Variants in PIK3C3 observed in about 807,000 individuals in gnomAD.
PIK3C3 encodes the protein PI3-kinase type 3.
PIK3C3 carries 95 observed loss-of-function variants against 126.1 expected under a neutral mutation model. The ratio of observed to expected loss-of-function variants is 0.75; its 90% CI spans 0.64 to 0.89. The LOEUF is 0.89. PIK3C3 is among the 40% of genes least tolerant of loss of function. The pLI is 0.00. For missense variants in PIK3C3, 829 were observed against 1,063.2 expected, an observed-to-expected ratio of 0.78 and a Z score of 3.06; for synonymous variants, 374 against 360.0, an observed-to-expected ratio of 1.04 and a Z score of -0.44.
chr18:41,958,297 A>T (rs1005892751), intron 2 of PIK3C3, among the ~76,000 whole-genome samples: 2 of 152,114 alleles, frequency 1.3e-5, no homozygotes, highest in South Asian at 2.1e-4. Context: ...TTTTTTTCAG[A>T]AGAGTATTGT....
At chr18:42,040,243 G>T (rs1984250035) in intron 18 of PIK3C3, among the ~76,000 whole-genome samples, 1 of 146,096 alleles carries the variant, frequency 6.8e-6, no homozygotes, top group African/African-American at 2.6e-5. Flanking sequence ...TTAGACAAAA[G>T]GAGCCATTAC....
intron 14 of PIK3C3, among the ~76,000 whole-genome samples, chr18:42,027,822 T>G (rs1360605198): frequency 2.0e-5 from 3 of 151,960 alleles, no homozygotes; most frequent in Non-Finnish European, 2.9e-5. Context: ...GCCCAGCTAA[T>G]TTTTGTATTT....
chr18:41,968,079 C>T (rs918267555), intron 3 of PIK3C3, among the ~76,000 whole-genome samples: 3 of 152,204 alleles, frequency 2.0e-5, no homozygotes, highest in Non-Finnish European at 4.4e-5. Context: ...CACTTGGCAT[C>T]ACCCATACCC....
intron 10 of PIK3C3, among the ~76,000 whole-genome samples, chr18:42,009,010 C>A (rs1982678455): frequency 6.6e-6 from 1 of 152,020 alleles, no homozygotes; most frequent in African/African-American, 2.4e-5. Flanking sequence ...GAGCAGCACT[C>A]CGAATGAAGG....
chr18:42,046,396 G>A (rs1011195690), intron 20 of PIK3C3, among the ~76,000 whole-genome samples: 2 of 152,110 alleles, frequency 1.3e-5, no homozygotes, highest in Admixed American at 1.3e-4. Context: ...TGTATATCAT[G>A]CAGCTAAATG....
intron 4 of PIK3C3, chr18:41,984,754 C>T (rs896835841): frequency 3.2e-4 from 49 of 152,180 alleles, no homozygotes; most frequent in Admixed American, 2.6e-4. Context: ...TTTGCTTGGA[C>T]TCTCTGATAA....
rs1986381605 is a variant in PIK3C3, at chr18:42,085,557, T to G, written c.*4420T>G. 1 of 151,996 alleles carries G rather than the reference T, an allele frequency of 6.6e-6. No homozygotes were observed. Among genetic ancestry groups the G allele is most frequent in the Non-Finnish European group, 1.5e-5 (1 of 68,002 alleles). 9.4% of individuals were successfully genotyped at this position (151,996 alleles called of 1,614,324 possible). ...TCAAAATAGAACATAAGAAAATGAGTCTAGTGGACCCACTGCATAGTGTAA... is the reference window on the plus strand; with the variant it reads ...TCAAAATAGAACATAAGAAAATGAGGCTAGTGGACCCACTGCATAGTGTAA... On this transcript the variant is annotated 3_prime_UTR_variant, in exon 25 of 25. Transcript: ENST00000262039.
intron 10 of PIK3C3, among the ~76,000 whole-genome samples, chr18:42,012,350 A>T (rs1035522384): frequency 6.6e-6 from 1 of 152,168 alleles, no homozygotes; most frequent in Admixed American, 6.5e-5. Context: ...GTTGTTACAA[A>T]TAGGAAAGTG....
intron 21 of PIK3C3, among the ~76,000 whole-genome samples, chr18:42,052,193 A>G (rs943321655): frequency 6.6e-6 from 1 of 151,976 alleles, no homozygotes; most frequent in African/African-American, 2.4e-5. Flanking sequence ...TGATGGGGGT[A>G]TTTAAGAGTG....
intron 12 of PIK3C3, among the ~76,000 whole-genome samples, chr18:42,015,848 T>G (rs1264003273): frequency 6.6e-6 from 1 of 152,184 alleles, no homozygotes; most frequent in African/African-American, 2.4e-5. Flanking sequence ...CCTAGAATAT[T>G]TACTGTCAAT....
In PIK3C3 at chr18:42,086,825, AGCAGCTCATGCTGCT is replaced by A. The variant is rs1304923652; in HGVS notation, c.*5690_*5704del. 3.9e-5 allele frequency: 6 copies of A among 152,190 alleles called. No homozygotes were observed. The highest frequency in any genetic ancestry group is 6.5e-5 in the Admixed American group (1 of 15,294). The allele number at this position is 152,190 out of a possible 1,614,324, so 9.4% of individuals were successfully genotyped here. On this transcript the variant is annotated 3_prime_UTR_variant, in exon 25 of 25. Transcript: ENST00000262039. ...AATAATCATTAAAAAATAGCCAACC[AGCAGCTCATGCTGCT>A]GGTCTGCCTATGGAGTAGCCATCCT... is the stretch of plus-strand genomic sequence containing the variant.
At chr18:42,020,067 ACAAC>A (rs1983253309) in intron 12 of PIK3C3, among the ~76,000 whole-genome samples, 1 of 152,076 alleles carries the variant, frequency 6.6e-6, no homozygotes, top group Non-Finnish European at 1.5e-5. Context: ...ACTTCACAGG[ACAAC>A]CAGTCATTTT....
At chr18:41,969,101 G>T (rs886475873) in intron 3 of PIK3C3, among the ~76,000 whole-genome samples, 3 of 151,472 alleles carry the variant, frequency 2.0e-5, no homozygotes, top group Admixed American at 6.6e-5. Flanking sequence ...TTACAGGTGT[G>T]AGCCACCATG....
chr18:41,990,593 G>A, intron 6 of PIK3C3, 39 bp downstream of exon 6: 1 of 1,060,506 alleles, frequency 9.4e-7, no homozygotes, highest in South Asian at 1.3e-5. Flanking sequence ...CTAAAGTAGA[G>A]GGGAGAGGAA....
At chr18:41,991,421 A>G (rs945954248) in intron 6 of PIK3C3, among the ~76,000 whole-genome samples, 40 of 152,282 alleles carry the variant, frequency 2.6e-4, no homozygotes, top group African/African-American at 9.4e-4. Context: ...ATCTTCTATT[A>G]TTGTGTTAAT....
At chr18:42,074,990 A>T (rs1436570544) in intron 24 of PIK3C3, among the ~76,000 whole-genome samples, 1 of 152,148 alleles carries the variant, frequency 6.6e-6, no homozygotes, top group Non-Finnish European at 1.5e-5. Flanking sequence ...AAAGGTAAAA[A>T]GTTCATATCA....
At chr18:42,007,586 C>T (rs78278918) in intron 10 of PIK3C3, among the ~76,000 whole-genome samples, 2,691 of 152,162 alleles carry the variant, frequency 0.018, 27 homozygotes, top group Non-Finnish European at 0.028. Context: ...TTGATTTATT[C>T]CCTGGCAATT....
intron 21 of PIK3C3, chr18:42,051,094 G>C (rs543906537): frequency 1.3e-5 from 2 of 152,210 alleles, no homozygotes; most frequent in Non-Finnish European, 2.9e-5. Context: ...AGTAGATGCT[G>C]GGAATACCAA....
intron 22 of PIK3C3, among the ~76,000 whole-genome samples, chr18:42,060,794 T>G (rs925314289): frequency 6.6e-6 from 1 of 151,842 alleles, no homozygotes; most frequent in Admixed American, 6.6e-5. Flanking sequence ...GAAAAAAAAT[T>G]TAAAAAAATG....
Sources: allele counts gnomAD v4.1 joint callset (sites outside exome capture counted in the v4.1 genomes callset), GRCh38; gene constraint gnomAD v4.1.1; transcripts MANE v1.5; gene names NCBI Gene and HGNC (gene_info 2026-07-23, HGNC 2026-07-21).